Variants in PELP1 observed in about 807,000 individuals in gnomAD.
The protein encoded by PELP1 is proline-, glutamic acid- and leucine-rich protein 1.
In PELP1, 32 loss-of-function variants were observed where a neutral mutation model predicts 95.5. The ratio of observed to expected loss-of-function variants is 0.34; its 90% CI spans 0.25 to 0.45. The LOEUF (loss-of-function observed/expected upper bound fraction) is 0.45. Ranked by LOEUF, PELP1 falls within the 20% of genes least tolerant of loss-of-function variation. PELP1 has a pLI of 1.00. For synonymous variants in PELP1, 668 were observed against 600.1 expected (o/e 1.11, Z -1.65); for missense variants, 1,358 against 1,444.8 (o/e 0.94, Z 0.97).
At chr17:4,683,465 C>A (rs969131064) in intron 3 of PELP1, among the ~76,000 whole-genome samples, 17 of 149,666 alleles carry the variant, frequency 1.1e-4, no homozygotes, top group Non-Finnish European at 1.8e-4. Context: ...GTGATCTGCC[C>A]GCCTTGGCCT....
At position 4,674,901 on chromosome 17, in the gene PELP1, C is replaced by G. The variant is rs774064279; in HGVS notation, c.1330G>C (p.Ala444Pro). The G allele has an allele frequency of 1.9e-6, 3 of 1,613,716 alleles. No individual in the cohort carries two copies. In the African/African-American group the frequency reaches 4.0e-5, roughly 22 times the overall value. ...ILELWVQVCG[A>P]SAGMLQGGAS... ...CCTCCCTGAAGCATTCCCGCCGAGG[C>G]CCCACAAACCTGCACCCACAGCTCT... The change falls in exon 12 of 17, where the codon GCC becomes CCC. Residue 444 changes from alanine to proline, a missense_variant. Physicochemically the swap from Ala to Pro is conservative, Grantham distance 27. Coordinates refer to ENST00000572293, the MANE Select transcript of PELP1 (RefSeq NM_014389.3).
chr17:4,699,245 G>A (rs1307177554), intron 1 of PELP1, among the ~76,000 whole-genome samples: 1 of 152,008 alleles, frequency 6.6e-6, no homozygotes, highest in African/African-American at 2.4e-5. Context: ...CGGGCATGGT[G>A]GTGGGCAACT....
At chr17:4,685,213 G>A (rs987045084) in intron 3 of PELP1, among the ~76,000 whole-genome samples, 2 of 152,062 alleles carry the variant, frequency 1.3e-5, no homozygotes, top group Non-Finnish European at 2.9e-5. Context: ...CCGCTAATCT[G>A]ATCAACAATT....
In PELP1 at chr17:4,675,096, G is replaced by C; in HGVS notation, c.1257C>G (p.Gly419=). The change falls in exon 11 of 17, where the codon GGC becomes GGG. Residue 419 remains glycine, a synonymous_variant. Coordinates refer to ENST00000572293, the MANE Select transcript of PELP1 (RefSeq NM_014389.3). The surrounding 1 kb of genome is among the most constrained non-coding windows in gnomAD (Gnocchi z 4.3). ...ATGGTCACCTGTAAGGCCTCTCCTG[G>C]CCTGGAGAGAGGGAATCTCTACCGA... The part of the protein sequence containing the change: ...WSIGRDSLSP[G]QERPYSTVRT... 6.2e-7 allele frequency: 1 copy of C among 1,613,756 alleles called. No individual in the cohort carries two copies. The highest frequency in any genetic ancestry group is 1.3e-5 in the African/African-American group (1 of 75,000).
intron 1 of PELP1, among the ~76,000 whole-genome samples, chr17:4,696,381 C>T (rs1225589716): frequency 6.6e-6 from 1 of 152,066 alleles, no homozygotes; most frequent in East Asian, 1.9e-4. Flanking sequence ...GAGCATACTT[C>T]GTTATTTCCA....
rs560242080 is a variant in PELP1, at chr17:4,672,830, G to A, written c.2161C>T (p.Pro721Ser). The A allele has an allele frequency of 1.1e-5, 17 of 1,613,958 alleles. No individual in the cohort carries two copies. The South Asian group carries it at 1.6e-4, about 16-fold the overall frequency. ...LSVPGLVSVP[P>S]RLLPGPENHR... ...TTCTCAGGGCCAGGAAGAAGCCGGGGAGGGACAGACACTAGGCCTGGGACA... is the reference window on the plus strand; with the variant it reads ...TTCTCAGGGCCAGGAAGAAGCCGGGAAGGGACAGACACTAGGCCTGGGACA... Residue 721 changes from proline to serine, a missense_variant, in exon 16 of 17, where the codon CCC becomes TCC. Physicochemically the swap from Pro to Ser is moderately conservative, Grantham distance 74. Around this residue, in one of 7 missense-constraint regions of PELP1, gnomAD observed 340 missense variants for 322.9 expected, o/e 1.05. Transcript: ENST00000572293.
Position 4,675,738 on chromosome 17 carries a change from T to A in PELP1, c.1068+59A>T. The stretch of plus-strand genomic sequence containing the variant: ...TTGGGGAGACTCAGGTCCCCAGTAC[T>A]TTCCTGGTTGCCTGGTATCCTGAGC... On this transcript the variant is annotated intron_variant, in intron 9 of 16. Coordinates refer to ENST00000572293, the MANE Select transcript of PELP1 (RefSeq NM_014389.3). This position sits in a 1 kb window ranked among gnomAD's most constrained non-coding sequence, Gnocchi z 4.3. The A allele has an allele frequency of 7.9e-7, 1 of 1,259,682 alleles. No individual in the cohort carries two copies. The highest frequency in any genetic ancestry group is 1.3e-5 in the South Asian group (1 of 78,230). 78.0% of individuals were successfully genotyped at this position (1,259,682 alleles called of 1,614,324 possible). A position where few individuals can be genotyped will look rare whatever the true frequency, so the allele number is the denominator to read the frequency against.
At chr17:4,703,052 C>A (rs1913607860) in intron 1 of PELP1, among the ~76,000 whole-genome samples, 1 of 152,162 alleles carries the variant, frequency 6.6e-6, no homozygotes, top group South Asian at 2.1e-4. Flanking sequence ...ACTTGAGTGT[C>A]TAGCTTGCAG....
Position 4,676,390 on chromosome 17 carries a change from G to A in PELP1, c.820C>T (p.Leu274=), listed in dbSNP as rs1352763047. 2 of 1,613,418 alleles carry A rather than the reference G, an allele frequency of 1.2e-6. No individual in the cohort carries two copies. Among genetic ancestry groups the A allele is most frequent in the Non-Finnish European group, 1.7e-6 (2 of 1,179,738 alleles). The change falls in exon 7 of 17, where the codon CTG becomes TTG. Residue 274 remains leucine (L), a synonymous_variant. Transcript: ENST00000572293. ...LHSLLASLHT[L]LGALYEGAET... is the part of the protein sequence containing the mutation. ...GCTCCCTCGTACAGGGCCCCCAGCA[G>A]GGTGTGCAGTGAGGCCAGCAGACTG...
rs752930133 is a variant in PELP1, at chr17:4,683,531, C to CTTTCT, written c.421-580_421-579insAGAAA. Among the ~76,000 whole-genome samples, 177 of 96,574 alleles carry CTTTCT rather than the reference C, an allele frequency of 1.8e-3. 4 individuals carry two copies. The highest frequency in any genetic ancestry group is 0.01 in the Middle Eastern group (1 of 100). 63.4% of individuals were successfully genotyped at this position (96,574 alleles called of 152,430 possible). ...ATCACGCCCAGCTGAGTTTTCTTTT[C>CTTTCT]TTTTTTTTTTTTTTTTTGAGACAGA... On this transcript the variant is annotated intron_variant, in intron 3 of 16. Coordinates refer to ENST00000572293, the MANE Select transcript of PELP1 (RefSeq NM_014389.3).
intron 5 of PELP1, among the ~76,000 whole-genome samples, chr17:4,681,012 CCTA>C (rs1205242362): frequency 2.6e-5 from 4 of 152,334 alleles, no homozygotes; most frequent in African/African-American, 7.2e-5. Flanking sequence ...GCCTGTCTGA[CCTA>C]CTAAGGCTCT....
intron 1 of PELP1, 35 bp downstream of exon 1, chr17:4,703,805 GCACAGGTGCCGCGCCATCCTCCC>G (rs1913648124): frequency 6.8e-7 from 1 of 1,470,540 alleles, no homozygotes; most frequent in East Asian, 2.4e-5. Flanking sequence ...TAATCCCGGC[GCACAGGTGCCGCGCCATCCTCCC>G]CACAGGGCCG....
intron 1 of PELP1, chr17:4,691,668 T>C (rs1597455377): frequency 1.8e-6 from 1 of 561,190 alleles, no homozygotes; most frequent in East Asian, 3.0e-5. Context: ...GATCCTTCCC[T>C]CCATGCCCCA....
chr17:4,682,466 T>A (rs762379052), intron 5 of PELP1, 36 bp downstream of exon 5: 1 of 1,389,536 alleles, frequency 7.2e-7, no homozygotes, highest in Non-Finnish European at 1.0e-6. Flanking sequence ...CTCTCAACGC[T>A]TACACTGGTG....
Position 4,671,506 on chromosome 17 carries a change from A to G in PELP1, c.3326T>C (p.Leu1109Pro). Residue 1109 changes from leucine (L) to proline (P), a missense_variant, in exon 17 of 17, where the codon CTG (leucine) becomes CCG (proline). Physicochemically the swap from Leu to Pro is moderately conservative, Grantham distance 98. Transcript: ENST00000572293. ...EKEQDDTAAM[L>P]ADFIDCPPDD... ...AGGGGGACAATCGATGAAGTCGGCC[A>G]GCATGGCAGCTGTGTCATCCTGCTC... 1 of 1,613,844 alleles carries G rather than the reference A, an allele frequency of 6.2e-7. No individual in the cohort carries two copies. The highest frequency in any genetic ancestry group is 2.2e-5 in the East Asian group (1 of 44,878).
chr17:4,670,568 C>A lies in PELP1; in HGVS notation c.*871G>T, dbSNP rs1042020375. 5 of 152,186 alleles carry A rather than the reference C, an allele frequency of 3.3e-5. No homozygotes were observed. Among genetic ancestry groups the A allele is most frequent in the African/African-American group, 1.2e-4 (5 of 41,422 alleles). The allele number at this position is 152,186 out of a possible 1,614,324, so 9.4% of individuals were successfully genotyped here. A position where few individuals can be genotyped will look rare whatever the true frequency, so the allele number is the denominator to read the frequency against. On this transcript the variant is annotated 3_prime_UTR_variant, in exon 17 of 17. Coordinates refer to ENST00000572293, the MANE Select transcript of PELP1 (RefSeq NM_014389.3). Reference sequence around the variant, plus strand: ...TGAAACCCCACCTCTACTAAAAATACAAAAATTAGCCAGGCAGTGGCAGGC... The same window carrying A: ...TGAAACCCCACCTCTACTAAAAATAAAAAAATTAGCCAGGCAGTGGCAGGC...
At chr17:4,687,828 G>A (rs11078531) in intron 3 of PELP1, among the ~76,000 whole-genome samples, 148,911 of 152,290 alleles carry the variant, frequency 0.98, 72,887 homozygotes, top group Middle Eastern at 1. Flanking sequence ...AAGTGGAGAT[G>A]TTATCAAAGG....
rs143811204 is a variant in PELP1, at chr17:4,695,225, G to A, written c.250-3783C>T. On this transcript the variant is annotated intron_variant, in intron 1 of 16. Coordinates refer to ENST00000572293, the MANE Select transcript of PELP1 (RefSeq NM_014389.3). ...TAATCCCAACTACTAGGGAGGCTGA[G>A]GCAGGAGAATCGCTTGAACCCGGGA... is the stretch of plus-strand genomic sequence containing the variant. Among the ~76,000 whole-genome samples, 60 of 150,954 alleles carry A rather than the reference G, an allele frequency of 4.0e-4. 1 individual carries two copies. In the East Asian group the frequency reaches 0.012, roughly 29 times the overall value.
chr17:4,691,371 GACTT>G lies in PELP1; in HGVS notation c.314+3_314+6del. 6.2e-7 allele frequency: 1 copy of G among 1,609,726 alleles called. No individual in the cohort carries two copies. Among genetic ancestry groups the G allele is most frequent in the Non-Finnish European group, 8.5e-7 (1 of 1,176,078 alleles). On this transcript the variant is annotated splice_donor_5th_base_variant and intron_variant, in intron 2 of 16. Transcript: ENST00000572293. ...CCCCTGGAGAAAAAAAAGGGCCAAAGACTTACCGAGTTTTGATGGAACTGAGACG... is the reference window on the plus strand; with the variant it reads ...CCCCTGGAGAAAAAAAAGGGCCAAAGACCGAGTTTTGATGGAACTGAGACG...
Sources: allele counts gnomAD v4.1 joint callset (sites outside exome capture counted in the v4.1 genomes callset), GRCh38; gene constraint gnomAD v4.1.1; regional missense constraint gnomAD v4.1.1; non-coding constraint Gnocchi (gnomAD v3.1); transcripts MANE v1.5; gene names NCBI Gene and HGNC (gene_info 2026-07-23, HGNC 2026-07-21).